Variants in CSGALNACT1 observed in about 807,000 individuals in gnomAD.
The protein encoded by CSGALNACT1 is chondroitin sulfate N-acetylgalactosaminyltransferase 1.
A neutral mutation model predicts 51.0 loss-of-function variants in CSGALNACT1; 52 were observed. The observed-to-expected ratio is 1.02, with a 90% CI of 0.82 to 1.29. The LOEUF is 1.29. Ranked by LOEUF, CSGALNACT1 falls within the 50% of genes most tolerant of loss-of-function variation. CSGALNACT1 has a pLI of 0.00. For synonymous variants in CSGALNACT1, 341 were observed against 254.4 expected (o/e 1.34, Z -3.24); for missense variants, 935 against 679.2 (o/e 1.38, Z -4.19).
chr8:19,667,012 A>T (rs185030391), intron 1 of CSGALNACT1, among the ~76,000 whole-genome samples: 1 of 34,398 alleles, frequency 2.9e-5, no homozygotes, highest in African/African-American at 2.0e-4. Context: ...AGAAAGAAAG[A>T]AAGAAAGGAA....
At chr8:19,726,691 G>C (rs539249876) in intron 1 of CSGALNACT1, among the ~76,000 whole-genome samples, 1 of 152,166 alleles carries the variant, frequency 6.6e-6, no homozygotes, top group South Asian at 2.1e-4. Flanking sequence ...AAAGTCATAT[G>C]AACAATATAA....
chr8:19,596,292 G>A (rs978960543), intron 2 of CSGALNACT1, among the ~76,000 whole-genome samples: 3 of 152,052 alleles, frequency 2.0e-5, no homozygotes, highest in African/African-American at 7.3e-5. Context: ...GTGTGATATT[G>A]ACAGTTTTAG....
Position 19,710,444 on chromosome 8 carries a change from G to A in CSGALNACT1, c.-297+47406C>T, listed in dbSNP as rs115597054. On this transcript the variant is annotated intron_variant, in intron 1 of 1. Transcript: ENST00000517494. ...TTAACAACGCTATGCTTGGTGACAC[G>A]AAACACACCAAGTTCACAATCGTGG... 8.9e-3 allele frequency among the ~76,000 whole-genome samples: 1,353 copies of A among 152,280 alleles called. 25 individuals are homozygous for A. The highest frequency in any genetic ancestry group is 0.03 in the African/African-American group (1,248 of 41,548).
At chr8:19,477,287 T>C (rs1007263099) in intron 4 of CSGALNACT1, among the ~76,000 whole-genome samples, 25 of 152,210 alleles carry the variant, frequency 1.6e-4, no homozygotes, top group Non-Finnish European at 1.0e-4. Context: ...GGGGGTTCCC[T>C]GTGTAGGACA....
chr8:19,604,294 C>G (rs183632029), upstream of CSGALNACT1, among the ~76,000 whole-genome samples: 29 of 152,308 alleles, frequency 1.9e-4, no homozygotes, highest in East Asian at 5.2e-3. Flanking sequence ...TTCAACTGGA[C>G]AGACGCTCTA....
intron 3 of CSGALNACT1, among the ~76,000 whole-genome samples, chr8:19,524,227 C>T (rs1026389052): frequency 1.3e-5 from 2 of 152,076 alleles, no homozygotes; most frequent in African/African-American, 4.8e-5. Flanking sequence ...GAGTTCAATG[C>T]TACAGCAAGG....
chr8:19,667,040 G>GAAGGAAGGAAGGAAGGAAGGAAGAAAGA (rs1564386938), intron 1 of CSGALNACT1, among the ~76,000 whole-genome samples: 1 of 34,966 alleles, frequency 2.9e-5, no homozygotes, highest in African/African-American at 1.5e-4. Flanking sequence ...AGGAAGGAAG[G>GAAGGAAGGAAGGAAGGAAGGAAGAAAGA]AAGAAAGAAA....
At chr8:19,651,978 T>G (rs1171541603) in intron 1 of CSGALNACT1, among the ~76,000 whole-genome samples, 1 of 152,026 alleles carries the variant, frequency 6.6e-6, no homozygotes, top group African/African-American at 2.4e-5. Context: ...CCACCCAGAC[T>G]AGAGTACAGT....
At chr8:19,487,692 T>C (rs899771722) in intron 4 of CSGALNACT1, among the ~76,000 whole-genome samples, 3 of 151,998 alleles carry the variant, frequency 2.0e-5, no homozygotes, top group African/African-American at 7.3e-5. Context: ...CAACTATTCA[T>C]GGTAGTTTTC....
At chr8:19,514,506 T>G (rs1272846980) in intron 3 of CSGALNACT1, among the ~76,000 whole-genome samples, 1 of 138,334 alleles carries the variant, frequency 7.2e-6, no homozygotes, top group Non-Finnish European at 1.5e-5. Context: ...TATATATATA[T>G]ATATACATGT....
chr8:19,577,325 G>GGT (rs754216272), intron 3 of CSGALNACT1, among the ~76,000 whole-genome samples: 8 of 151,750 alleles, frequency 5.3e-5, no homozygotes, highest in Non-Finnish European at 1.2e-4. Context: ...CGCTTTGGGA[G>GGT]GTCAAGGCAG....
At chr8:19,488,817 C>A (rs1222052194) in intron 4 of CSGALNACT1, among the ~76,000 whole-genome samples, 1 of 152,108 alleles carries the variant, frequency 6.6e-6, no homozygotes, top group Non-Finnish European at 1.5e-5. Context: ...AAGCTAAGAA[C>A]CCTGTATACC....
chr8:19,659,683 C>A (rs1329404351), intron 1 of CSGALNACT1, among the ~76,000 whole-genome samples: 1 of 152,198 alleles, frequency 6.6e-6, no homozygotes, highest in African/African-American at 2.4e-5. Context: ...GAATACACAT[C>A]CCATGAATCT....
At chr8:19,519,878 A>C (rs1002109878) in intron 3 of CSGALNACT1, among the ~76,000 whole-genome samples, 3 of 152,176 alleles carry the variant, frequency 2.0e-5, no homozygotes, top group Non-Finnish European at 4.4e-5. Context: ...ATTATGGAAG[A>C]ATGGATCTGC....
At chr8:19,649,818 G>GAAAAAAAAA (rs1564347327) in intron 1 of CSGALNACT1, among the ~76,000 whole-genome samples, 8 of 1,554 alleles carry the variant, frequency 5.1e-3, no homozygotes, top group Admixed American at 0.015. Flanking sequence ...ATTCCAAGTA[G>GAAAAAAAAA]CAAAAAAAAA....
intron 4 of CSGALNACT1, among the ~76,000 whole-genome samples, chr8:19,503,282 C>T (rs1422482361): frequency 6.6e-6 from 1 of 152,162 alleles, no homozygotes; most frequent in Non-Finnish European, 1.5e-5. Context: ...CCCACGAAAT[C>T]AATACTGAGT....
At chr8:19,528,015 A>G (rs941165343) in intron 3 of CSGALNACT1, among the ~76,000 whole-genome samples, 4 of 152,138 alleles carry the variant, frequency 2.6e-5, no homozygotes, top group Non-Finnish European at 4.4e-5. Context: ...TCCAACATCA[A>G]ACAGCCAGGA....
At chr8:19,454,125 T>C (rs1385625053) in intron 5 of CSGALNACT1, among the ~76,000 whole-genome samples, 1 of 152,196 alleles carries the variant, frequency 6.6e-6, no homozygotes, top group Non-Finnish European at 1.5e-5. Flanking sequence ...GGAATGACAG[T>C]GTGTCCCATG....
At chr8:19,503,486 C>A (rs1362593598) in intron 4 of CSGALNACT1, among the ~76,000 whole-genome samples, 2 of 152,092 alleles carry the variant, frequency 1.3e-5, no homozygotes, top group South Asian at 2.1e-4. Flanking sequence ...ATTGCAGACA[C>A]TGATTTGCAA....
Sources: allele counts gnomAD v4.1 joint callset (sites outside exome capture counted in the v4.1 genomes callset), GRCh38; gene constraint gnomAD v4.1.1; transcripts MANE v1.5; gene names NCBI Gene and HGNC (gene_info 2026-07-23, HGNC 2026-07-21).